ACBD6: variants seen among roughly 807,000 people sequenced by gnomAD.
ACBD6 encodes the protein acyl-CoA binding domain containing 6, also known as acyl-CoA-binding domain-containing protein 6.
A neutral mutation model predicts 37.2 loss-of-function variants in ACBD6; 28 were observed. That is an observed-to-expected ratio of 0.75 (90% CI 0.56 to 1.03). ACBD6 has a LOEUF of 1.03. Among genes scored for constraint, ACBD6 ranks in the 50% least tolerant of loss-of-function variants. ACBD6 has a pLI of 0.00. For synonymous variants in ACBD6, 113 were observed against 126.8 expected, an observed-to-expected ratio of 0.89 and a Z score of 0.73; for missense variants, 340 against 337.4, an observed-to-expected ratio of 1.01 and a Z score of -0.06.
chr1:180,475,380 G>C (rs1185167937), intron 3 of ACBD6, among the ~76,000 whole-genome samples: 1 of 152,000 alleles, frequency 6.6e-6, no homozygotes, highest in Admixed American at 6.6e-5. Context: ...GCATTTTCTA[G>C]AATTTTATTT....
chr1:180,378,940 C>G (rs903072094), intron 6 of ACBD6, among the ~76,000 whole-genome samples: 3 of 152,112 alleles, frequency 2.0e-5, no homozygotes, highest in African/African-American at 7.2e-5. Flanking sequence ...GGCTCGAGAA[C>G]ACACCCACTT....
chr1:180,501,905 CAA>C (rs5779061), intron 1 of ACBD6, 138 bp downstream of exon 1: 1,318 of 608,512 alleles, frequency 2.2e-3, no homozygotes, highest in East Asian at 6.3e-3. Context: ...AGCAGATGGT[CAA>C]AAAAAAAAAA....
chr1:180,356,467 C>T (rs936262884), intron 6 of ACBD6, among the ~76,000 whole-genome samples: 1 of 152,004 alleles, frequency 6.6e-6, no homozygotes, highest in African/African-American at 2.4e-5. Context: ...CCACTGCACC[C>T]GGCCTATTGT....
exon 14 of ACBD6, chr1:180,271,198 C>T (rs1648632785): frequency 8.7e-6 from 6 of 687,872 alleles, no homozygotes; most frequent in South Asian, 6.4e-5. Context: ...TGGGAAGGCC[C>T]GTGGTGCAGG....
chr1:180,502,054 C>T lies in ACBD6; in HGVS notation c.213G>A (p.Arg71=). Residue 71 remains arginine (R), a synonymous_variant, in exon 1 of 8, where the codon AGG becomes AGA. Transcript: ENST00000367595. ...SREQLLYLYA[R]YKQVKVGNCN... is the part of the protein sequence containing the mutation. ...CTCCCTGCTACTTTACCTGTTTGTA[C>T]CTGGCATACAGGTACAAGAGCTGCT... 6.2e-7 allele frequency: 1 copy of T among 1,613,610 alleles called. No individual in the cohort carries two copies. Among genetic ancestry groups the T allele is most frequent in the Non-Finnish European group, 8.5e-7 (1 of 1,179,822 alleles).
At chr1:180,478,790 T>A (rs888548873) in intron 3 of ACBD6, among the ~76,000 whole-genome samples, 9 of 151,984 alleles carry the variant, frequency 5.9e-5, no homozygotes, top group Middle Eastern at 3.2e-3. Context: ...AGCCTATAAA[T>A]CCCTTTTTTA....
chr1:180,363,280 A>G (rs1652916441), intron 6 of ACBD6, among the ~76,000 whole-genome samples: 1 of 152,234 alleles, frequency 6.6e-6, no homozygotes, highest in African/African-American at 2.4e-5. Flanking sequence ...GATTGTGAGG[A>G]AAGAATTCAT....
At chr1:180,444,659 G>A (rs192007749) in intron 3 of ACBD6, among the ~76,000 whole-genome samples, 155 of 152,276 alleles carry the variant, frequency 1.0e-3, no homozygotes, top group Admixed American at 3.2e-3. Flanking sequence ...AGGCTTAGAA[G>A]TTTATTCCAT....
At chr1:180,449,062 G>C (rs1649592145) in intron 3 of ACBD6, among the ~76,000 whole-genome samples, 2 of 152,014 alleles carry the variant, frequency 1.3e-5, no homozygotes, top group African/African-American at 4.8e-5. Flanking sequence ...CAAATAAATA[G>C]ATTAGTATTG....
At chr1:180,496,056 A>AAAATTTTTGCATGGAT (rs1262349065) in intron 1 of ACBD6, among the ~76,000 whole-genome samples, 2 of 152,206 alleles carry the variant, frequency 1.3e-5, no homozygotes, top group African/African-American at 2.4e-5. Flanking sequence ...GGATGCCAAA[A>AAAATTTTTGCATGGAT]GCCATGCAAA....
At chr1:180,285,832 A>G (rs1015434193), downstream of ACBD6, among the ~76,000 whole-genome samples, 3 of 152,050 alleles carry the variant, frequency 2.0e-5, no homozygotes, top group Admixed American at 6.6e-5. Context: ...GATATACTAG[A>G]TACAATTCCA....
intron 9 of ACBD6, among the ~76,000 whole-genome samples, chr1:180,280,664 G>A (rs573026205): frequency 6.6e-6 from 1 of 152,320 alleles, no homozygotes; most frequent in East Asian, 1.9e-4. Flanking sequence ...GGCTGAGAAA[G>A]GCAAGAGATC....
At chr1:180,465,923 C>T (rs567936452) in intron 3 of ACBD6, among the ~76,000 whole-genome samples, 12 of 151,942 alleles carry the variant, frequency 7.9e-5, no homozygotes, top group South Asian at 2.1e-4. Flanking sequence ...AACCAAATAC[C>T]GTATGTTCTC....
Position 180,387,871 on chromosome 1 carries a change from G to A in ACBD6, c.663+9645C>T, listed in dbSNP as rs539502107. Among the ~76,000 whole-genome samples the A allele has an allele frequency of 3.1e-3, 472 of 152,120 alleles. 2 individuals carry two copies. Among genetic ancestry groups the A allele is most frequent in the Non-Finnish European group, 4.6e-3 (314 of 67,978 alleles). On this transcript the variant is annotated intron_variant, in intron 6 of 7. Coordinates refer to ENST00000367595, the MANE Select transcript of ACBD6 (RefSeq NM_032360.4). ...TCCAGAGCCCACTTCAGCTTATAAA[G>A]AAACAAAAAGAAAACCCAGAGAAGC...
intron 6 of ACBD6, among the ~76,000 whole-genome samples, chr1:180,364,734 A>ATTTTTT (rs1426493483): frequency 1.1e-5 from 1 of 89,746 alleles, no homozygotes; most frequent in African/African-American, 4.1e-5. Context: ...ATTCCTTTCT[A>ATTTTTT]TCTTTTTTTT....
At chr1:180,500,471 T>A (rs1422463645) in intron 1 of ACBD6, among the ~76,000 whole-genome samples, 1 of 151,664 alleles carries the variant, frequency 6.6e-6, no homozygotes, top group Non-Finnish European at 1.5e-5. Flanking sequence ...GGCAGGCAGA[T>A]CACCTAAGGT....
chr1:180,399,690 C>T (rs1647267331), intron 5 of ACBD6, among the ~76,000 whole-genome samples: 1 of 152,176 alleles, frequency 6.6e-6, no homozygotes, highest in African/African-American at 2.4e-5. Flanking sequence ...TACTAGGGCT[C>T]TAATTCAGAA....
intron 6 of ACBD6, among the ~76,000 whole-genome samples, chr1:180,339,061 G>C (rs1008782182): frequency 1.3e-5 from 2 of 152,208 alleles, no homozygotes; most frequent in African/African-American, 2.4e-5. Context: ...GGAGAAACAG[G>C]AACACTTTTA....
intron 6 of ACBD6, among the ~76,000 whole-genome samples, chr1:180,336,963 T>C (rs1193124729): frequency 2.0e-5 from 3 of 152,030 alleles, no homozygotes; most frequent in South Asian, 4.2e-4. Flanking sequence ...CAGGAAGAAG[T>C]TGAATCTCTG....
Sources: allele counts gnomAD v4.1 joint callset (sites outside exome capture counted in the v4.1 genomes callset), GRCh38; gene constraint gnomAD v4.1.1; transcripts MANE v1.5; gene names NCBI Gene and HGNC (gene_info 2026-07-23, HGNC 2026-07-21).